TSPAN8: variants seen among roughly 807,000 people sequenced by gnomAD.
The protein encoded by TSPAN8 is tetraspanin 8, also known as tetraspanin-8.
TSPAN8 carries 21 observed loss-of-function variants against 32.8 expected under a neutral mutation model. The observed-to-expected ratio is 0.64, with a 90% CI of 0.45 to 0.92. The LOEUF (loss-of-function observed/expected upper bound fraction) is 0.92, where lower values mean the gene tolerates loss of function less well. Ranked by LOEUF, TSPAN8 falls within the 40% of genes least tolerant of loss-of-function variation. The pLI is 0.00. For synonymous variants in TSPAN8, 95 were observed against 94.6 expected, an observed-to-expected ratio of 1.00 and a Z score of -0.03; for missense variants, 269 against 281.9, an observed-to-expected ratio of 0.95 and a Z score of 0.33.
chr12:71,138,320 G>T, intron 4 of TSPAN8, 90 bp from the exon 5 acceptor site: 1 of 1,159,914 alleles, frequency 8.6e-7, no homozygotes, highest in Non-Finnish European at 1.2e-6. Context: ...TCTACAGCTG[G>T]GATTATATCA....
intron 4 of TSPAN8, 68 bp downstream of exon 4, chr12:71,139,643 C>T: frequency 3.9e-6 from 6 of 1,556,844 alleles, no homozygotes; most frequent in Non-Finnish European, 5.2e-6. Context: ...TTTTAACAGA[C>T]AATAGGGATG....
chr12:71,156,386 GAACT>G (rs1279158378), intron 2 of TSPAN8, among the ~76,000 whole-genome samples: 2 of 151,082 alleles, frequency 1.3e-5, no homozygotes, highest in African/African-American at 4.9e-5. Context: ...AAATGTATCA[GAACT>G]AACTAAAAAA....
At chr12:71,139,051 C>T (rs1871805996) in intron 4 of TSPAN8, 1 of 447,006 alleles carries the variant, frequency 2.2e-6, no homozygotes, top group South Asian at 1.6e-5. Context: ...CCAATTTATC[C>T]TCCTCAATGC....
chr12:71,151,091 TCTCA>T (rs754201648), intron 2 of TSPAN8, among the ~76,000 whole-genome samples: 38 of 147,100 alleles, frequency 2.6e-4, no homozygotes, highest in Non-Finnish European at 4.8e-4. Flanking sequence ...TGAGATGGAG[TCTCA>T]CTCTATCACC....
chr12:71,136,439 T>A (rs550581344), intron 6 of TSPAN8, among the ~76,000 whole-genome samples: 1 of 152,304 alleles, frequency 6.6e-6, no homozygotes, highest in Admixed American at 6.5e-5. Flanking sequence ...TCAGATTAAG[T>A]GACCTATAAA....
chr12:71,156,871 C>T (rs936531271), intron 2 of TSPAN8: 2 of 152,148 alleles, frequency 1.3e-5, no homozygotes, highest in African/African-American at 4.8e-5. Flanking sequence ...AGGTCAATGT[C>T]CCAACATCCC....
rs752797756 is a variant in TSPAN8 at position 71,138,038 on chromosome 12, GT to G, written c.358del (p.Thr120LeufsTer9). ...KSKSDRIVNE[T>X]LYENTKLLSA... ...CAAAAGCTTTGTGTTTTCATAGAGA[GT>G]TTCATTCACAATGCGATCAGACTGA... On this transcript the variant is annotated frameshift_variant, in exon 6 of 9. Coordinates refer to ENST00000247829, the MANE Select transcript of TSPAN8 (RefSeq NM_004616.3). LOFTEE classifies it high-confidence loss of function. 1.2e-6 allele frequency: 2 copies of G among 1,613,870 alleles called. No homozygotes were observed. Among genetic ancestry groups the G allele is most frequent in the South Asian group, 2.2e-5 (2 of 91,008 alleles).
At chr12:71,137,468 C>T (rs752010258) in intron 6 of TSPAN8, among the ~76,000 whole-genome samples, 20 of 151,958 alleles carry the variant, frequency 1.3e-4, no homozygotes, top group Non-Finnish European at 2.2e-4. Flanking sequence ...GGCGTGGTGG[C>T]GCATGTCTGT....
At chr12:71,152,425 T>C (rs1410056021) in intron 2 of TSPAN8, among the ~76,000 whole-genome samples, 1 of 152,218 alleles carries the variant, frequency 6.6e-6, no homozygotes, top group Non-Finnish European at 1.5e-5. Context: ...ACCTATAAAA[T>C]ACTGGTTGAA....
chr12:71,144,787 T>G (rs1872020585), intron 2 of TSPAN8, among the ~76,000 whole-genome samples: 1 of 152,138 alleles, frequency 6.6e-6, no homozygotes, highest in African/African-American at 2.4e-5. Context: ...AAACAAGCTC[T>G]TTTAGGTGGT....
chr12:71,152,871 C>A (rs913183623), intron 2 of TSPAN8, among the ~76,000 whole-genome samples: 1 of 152,206 alleles, frequency 6.6e-6, no homozygotes, highest in African/African-American at 2.4e-5. Context: ...TTGCTCTCAG[C>A]ACATCCAATC....
At chr12:71,125,936 T>C (rs182704997) in intron 8 of TSPAN8, among the ~76,000 whole-genome samples, 7 of 152,302 alleles carry the variant, frequency 4.6e-5, no homozygotes, top group African/African-American at 1.4e-4. Flanking sequence ...AATTCAGGAA[T>C]TTCTTTTGAA....
chr12:71,126,548 A>T lies in TSPAN8; in HGVS notation c.661-1161T>A, dbSNP rs548110633. On this transcript the variant is annotated intron_variant, in intron 8 of 8. Transcript: ENST00000247829. Reference sequence around the variant, plus strand: ...CTTTCTTGTATTTCATTGTCCCTGAAAAGAACATTTATGATTGTTCAAAAA... The same window carrying T: ...CTTTCTTGTATTTCATTGTCCCTGATAAGAACATTTATGATTGTTCAAAAA... 2.0e-5 allele frequency among the ~76,000 whole-genome samples: 3 copies of T among 152,312 alleles called. No individual in the cohort carries two copies. In the East Asian group the frequency reaches 5.8e-4, roughly 29 times the overall value.
intron 2 of TSPAN8, among the ~76,000 whole-genome samples, chr12:71,150,543 A>C (rs1030652090): frequency 1.3e-5 from 2 of 152,104 alleles, no homozygotes; most frequent in African/African-American, 4.8e-5. Flanking sequence ...CCCAGCTGTA[A>C]AATTCTTCTC....
intron 7 of TSPAN8, among the ~76,000 whole-genome samples, chr12:71,130,650 A>T (rs961493818): frequency 3.3e-5 from 5 of 152,146 alleles, no homozygotes; most frequent in African/African-American, 1.2e-4. Context: ...TTTCCCCTTC[A>T]TTCCTGAATG....
chr12:71,139,668 G>A, intron 4 of TSPAN8, 43 bp downstream of exon 4: 1 of 1,602,880 alleles, frequency 6.2e-7, no homozygotes, highest in Non-Finnish European at 8.5e-7. Flanking sequence ...AGAATCCTCT[G>A]GAGTCTGAAG....
At chr12:71,149,933 T>C (rs1872195120) in intron 2 of TSPAN8, among the ~76,000 whole-genome samples, 1 of 152,208 alleles carries the variant, frequency 6.6e-6, no homozygotes, top group Non-Finnish European at 1.5e-5. Flanking sequence ...AGAGAGCCTA[T>C]AAACGGACAT....
intron 3 of TSPAN8, among the ~76,000 whole-genome samples, chr12:71,140,245 T>C (rs1871859911): frequency 6.6e-6 from 1 of 152,206 alleles, no homozygotes; most frequent in Admixed American, 6.5e-5. Context: ...TTTAAACTAT[T>C]GATAGACACA....
At position 71,132,722 on chromosome 12, in the gene TSPAN8, T is replaced by C; in HGVS notation, c.547A>G (p.Ser183Gly). The C allele has an allele frequency of 6.2e-7, 1 of 1,613,946 alleles. No individual in the cohort carries two copies. Among genetic ancestry groups the C allele is most frequent in the Non-Finnish European group, 8.5e-7 (1 of 1,179,934 alleles). ...ACLDKQRPCQ[S>G]YNGKQVYKET... ...TTGTAAACTTGTTTTCCATTATAGC[T>C]TTGGCATGGTCTCTGCTTATCTAGA... The change falls in exon 7 of 9, where the codon AGC becomes GGC. Residue 183 changes from serine to glycine, a missense_variant. Coordinates refer to ENST00000247829, the MANE Select transcript of TSPAN8 (RefSeq NM_004616.3).
Sources: gnomAD v4.1 joint callset for allele counts (sites outside exome capture counted in the v4.1 genomes callset) on GRCh38, gnomAD v4.1.1 for gene constraint, MANE v1.5 for transcripts, NCBI Gene and HGNC (gene_info 2026-07-23, HGNC 2026-07-21) for gene names.